Variants in PGS1 observed in about 807,000 individuals in gnomAD.
PGS1 encodes the protein phosphatidylglycerophosphate synthase 1, also known as CDP-diacylglycerol--glycerol-3-phosphate 3-phosphatidyltransferase, mitochondrial.
A neutral mutation model predicts 58.3 loss-of-function variants in PGS1; 44 were observed. The ratio of observed to expected loss-of-function variants is 0.75; its 90% CI spans 0.59 to 0.97. PGS1 has a LOEUF of 0.97. Among genes scored for constraint, PGS1 ranks in the 50% least tolerant of loss-of-function variants. The pLI is 0.00. For synonymous variants in PGS1, 330 were observed against 311.0 expected (o/e 1.06, Z -0.64); for missense variants, 684 against 731.1 (o/e 0.94, Z 0.74).
intron 4 of PGS1, among the ~76,000 whole-genome samples, chr17:78,398,827 C>T (rs2083438392): frequency 6.6e-6 from 1 of 152,210 alleles, no homozygotes. Context: ...GTGGTGGCCC[C>T]TGGTGGCTTA....
chr17:78,414,620 G>C (rs147574483), intron 7 of PGS1, among the ~76,000 whole-genome samples: 2 of 152,254 alleles, frequency 1.3e-5, no homozygotes, highest in Non-Finnish European at 2.9e-5. Flanking sequence ...TGGGACACAA[G>C]GCCACAGTGT....
At chr17:78,402,574 A>C (rs1299156475) in intron 6 of PGS1, among the ~76,000 whole-genome samples, 1 of 151,992 alleles carries the variant, frequency 6.6e-6, no homozygotes, top group East Asian at 1.9e-4. Flanking sequence ...CAGCTGCCCG[A>C]GTAGCTGGGG....
intron 8 of PGS1, among the ~76,000 whole-genome samples, chr17:78,416,890 C>T (rs188989394): frequency 1.4e-3 from 206 of 152,304 alleles, no homozygotes; most frequent in African/African-American, 4.9e-3. Context: ...CTAGCCTCCC[C>T]ACAACCCAGA....
chr17:78,408,021 T>C (rs1017104665), intron 7 of PGS1, among the ~76,000 whole-genome samples: 8 of 152,236 alleles, frequency 5.3e-5, no homozygotes, highest in Admixed American at 5.2e-4. Context: ...GAAAGATTCT[T>C]GTGTGATAAC....
intron 9 of PGS1, among the ~76,000 whole-genome samples, chr17:78,423,105 G>GAAAAAA (rs11449829): frequency 7.3e-6 from 1 of 137,506 alleles, no homozygotes; most frequent in Non-Finnish European, 1.6e-5. Flanking sequence ...ACTCTCCCTC[G>GAAAAAA]AAAAAAAAAA....
intron 7 of PGS1, among the ~76,000 whole-genome samples, chr17:78,405,774 C>G (rs1013461105): frequency 6.6e-6 from 1 of 152,182 alleles, no homozygotes; most frequent in Admixed American, 6.5e-5. Context: ...GTACATCCCA[C>G]GGCTTTTCTG....
Position 78,419,667 on chromosome 17 carries a change from G to A in PGS1, c.*2G>A. On this transcript the variant is annotated 3_prime_UTR_variant, in exon 9 of 10. Transcript: ENST00000262764. The stretch of plus-strand genomic sequence containing the variant: ...CCACTGATCAAGAACTTCTTCTGAG[G>A]ACAGACAGGTGCTGTCTCTAGCATC... The A allele has an allele frequency of 6.2e-7, 1 of 1,613,816 alleles. No homozygotes were observed. Among genetic ancestry groups the A allele is most frequent in the Non-Finnish European group, 8.5e-7 (1 of 1,179,858 alleles).
At chr17:78,411,687 C>CCAAA (rs2084707284) in intron 7 of PGS1, among the ~76,000 whole-genome samples, 1 of 152,086 alleles carries the variant, frequency 6.6e-6, no homozygotes, top group Non-Finnish European at 1.5e-5. Flanking sequence ...GATGTCAGGC[C>CCAAA]CAAAGGTCAG....
At chr17:78,411,014 A>T (rs2084640761) in intron 7 of PGS1, among the ~76,000 whole-genome samples, 1 of 152,206 alleles carries the variant, frequency 6.6e-6, no homozygotes, top group Admixed American at 6.5e-5. Context: ...ACGAGCTACG[A>T]AGAGCAGAGC....
At chr17:78,397,589 A>ACGC (rs1555631826) in intron 3 of PGS1, among the ~76,000 whole-genome samples, 1 of 129,674 alleles carries the variant, frequency 7.7e-6, no homozygotes, top group East Asian at 2.0e-4. Flanking sequence ...GGCATGCGCC[A>ACGC]CCCCCCCAGC....
At chr17:78,411,563 C>A (rs531717152) in intron 7 of PGS1, among the ~76,000 whole-genome samples, 2 of 152,210 alleles carry the variant, frequency 1.3e-5, no homozygotes, top group African/African-American at 2.4e-5. Flanking sequence ...CATGAACTGC[C>A]AGCAGTCAGT....
At chr17:78,421,450 T>TAGAC (rs2146358887) in intron 9 of PGS1, 1 of 152,392 alleles carries the variant, frequency 6.6e-6, no homozygotes, top group East Asian at 1.9e-4. Context: ...CACCTGGTCT[T>TAGAC]AGACAAGGAC....
At chr17:78,423,800 C>T (rs544945593) in intron 9 of PGS1, 46 of 1,443,298 alleles carry the variant, frequency 3.2e-5, no homozygotes, top group Admixed American at 4.0e-5. Flanking sequence ...TTTAAGAGAA[C>T]GAAAAACCAC....
chr17:78,397,525 C>T (rs2083324336), intron 3 of PGS1, among the ~76,000 whole-genome samples: 1 of 152,088 alleles, frequency 6.6e-6, no homozygotes, highest in Admixed American at 6.5e-5. Flanking sequence ...CAACCTCCGC[C>T]TCCTGGGTTG....
At chr17:78,380,274 G>T (rs914455602) in intron 1 of PGS1, among the ~76,000 whole-genome samples, 4 of 152,140 alleles carry the variant, frequency 2.6e-5, no homozygotes, top group African/African-American at 9.7e-5. Flanking sequence ...ATCTGTACGT[G>T]TACTCCTCGG....
chr17:78,407,092 C>T (rs1052852909), intron 7 of PGS1, among the ~76,000 whole-genome samples: 2 of 152,116 alleles, frequency 1.3e-5, no homozygotes, highest in Non-Finnish European at 2.9e-5. Context: ...GGGGGGTGCC[C>T]TGCAACCCAG....
intron 1 of PGS1, among the ~76,000 whole-genome samples, chr17:78,386,005 A>G (rs372229336): frequency 6.6e-6 from 1 of 152,100 alleles, no homozygotes; most frequent in East Asian, 1.9e-4. Context: ...TCCCCTCCCC[A>G]AGGCACCCTG....
At chr17:78,423,554 A>G (rs1199312405) in intron 9 of PGS1, 4 of 282,502 alleles carry the variant, frequency 1.4e-5, no homozygotes, top group Non-Finnish European at 2.8e-5. Context: ...TTAAAAGCAA[A>G]CTCCACTGAC....
At chr17:78,404,229 A>G (rs940746970) in intron 7 of PGS1, 140 bp downstream of exon 7, 2 of 892,130 alleles carry the variant, frequency 2.2e-6, no homozygotes, top group South Asian at 3.7e-5. Context: ...CAGGCACATC[A>G]TAGCTGTCCC....
Sources: gnomAD v4.1 joint callset for allele counts (sites outside exome capture counted in the v4.1 genomes callset) on GRCh38, gnomAD v4.1.1 for gene constraint, MANE v1.5 for transcripts, NCBI Gene and HGNC (gene_info 2026-07-23, HGNC 2026-07-21) for gene names.